MAP3K4: variants seen among roughly 807,000 people sequenced by gnomAD.
The protein encoded by MAP3K4 is mitogen-activated protein kinase kinase kinase 4.
In MAP3K4, 67 loss-of-function variants were observed where a neutral mutation model predicts 185.6. The ratio of observed to expected loss-of-function variants is 0.36; its 90% CI spans 0.30 to 0.44. The LOEUF (loss-of-function observed/expected upper bound fraction) is 0.44, where lower values mean the gene tolerates loss of function less well. Among genes scored for constraint, MAP3K4 ranks in the 20% least tolerant of loss-of-function variants. MAP3K4 has a pLI of 1.00. For missense variants in MAP3K4, 1,551 were observed against 1,995.1 expected, an observed-to-expected ratio of 0.78 and a Z score of 4.24; for synonymous variants, 702 against 710.4, an observed-to-expected ratio of 0.99 and a Z score of 0.19.
rs1785515996 is a variant in MAP3K4 at position 161,082,745 on chromosome 6, G to A, written c.2255+1707G>A. Among the ~76,000 whole-genome samples the A allele has an allele frequency of 6.6e-6, 1 of 152,024 alleles. No homozygotes were observed. The highest frequency in any genetic ancestry group is 2.1e-4 in the South Asian group (1 of 4,810). On this transcript the variant is annotated intron_variant, in intron 6 of 26. Transcript: ENST00000392142. The surrounding 1 kb of genome is among the most constrained non-coding windows in gnomAD (Gnocchi z 4.2). The stretch of plus-strand genomic sequence containing the variant: ...CCAGAATCTGACCTCTGCCTCTCAA[G>A]CACTCCACACTTCCACTCTTCCCAG...
Position 161,103,531 on chromosome 6 carries a change from A to G in MAP3K4, c.3856+752A>G, listed in dbSNP as rs1777921985. On this transcript the variant is annotated intron_variant, in intron 19 of 26. Coordinates refer to ENST00000392142, the MANE Select transcript of MAP3K4 (RefSeq NM_005922.4). This position sits in a 1 kb window ranked among gnomAD's most constrained non-coding sequence, Gnocchi z 4.6. Reference sequence around the variant, plus strand: ...GGAATAGAAGGAAGTGTGCACCCAGAGGCCTCGTGACTACAGGGGAGAGCC... The same window carrying G: ...GGAATAGAAGGAAGTGTGCACCCAGGGGCCTCGTGACTACAGGGGAGAGCC... 6.6e-6 allele frequency among the ~76,000 whole-genome samples: 1 copy of G among 152,220 alleles called. No homozygotes were observed. Among genetic ancestry groups the G allele is most frequent in the Admixed American group, 6.5e-5 (1 of 15,288 alleles).
At chr6:161,044,487 A>G (rs992177217) in intron 2 of MAP3K4, among the ~76,000 whole-genome samples, 3 of 152,174 alleles carry the variant, frequency 2.0e-5, no homozygotes, top group Non-Finnish European at 2.9e-5. Flanking sequence ...AAATGTAAAA[A>G]TGCTCAGGGA....
rs1777779959 is a variant in MAP3K4, at chr6:161,100,236, A to G, written c.3675-1656A>G. On this transcript the variant is annotated intron_variant, in intron 17 of 26. Coordinates refer to ENST00000392142, the MANE Select transcript of MAP3K4 (RefSeq NM_005922.4). The surrounding 1 kb of genome is among the most constrained non-coding windows in gnomAD (Gnocchi z 5.8). Reference sequence around the variant, plus strand: ...CCACTGCTCCCGAGGCAGACTTCACATACCCAAGGGCTTGTGTCTCAACAC... The same window carrying G: ...CCACTGCTCCCGAGGCAGACTTCACGTACCCAAGGGCTTGTGTCTCAACAC... 6.6e-6 allele frequency among the ~76,000 whole-genome samples: 1 copy of G among 152,202 alleles called. No individual in the cohort carries two copies. Among genetic ancestry groups the G allele is most frequent in the Admixed American group, 6.5e-5 (1 of 15,278 alleles).
Position 160,993,380 on chromosome 6 carries a change from G to C in MAP3K4, c.152+1297G>C, listed in dbSNP as rs1583074456. The stretch of plus-strand genomic sequence containing the variant: ...GATACCTTTTTCTTTAAAATTAATA[G>C]TGAACACTTAACGGTTAAAATAGGC... On this transcript the variant is annotated intron_variant, in intron 1 of 26. Transcript: ENST00000392142. 2.6e-5 allele frequency among the ~76,000 whole-genome samples: 4 copies of C among 152,162 alleles called. No homozygotes were observed. In the East Asian group the frequency reaches 7.7e-4, roughly 29 times the overall value.
chr6:161,105,356 T>C (rs753516186), intron 19 of MAP3K4, among the ~76,000 whole-genome samples: 1 of 152,220 alleles, frequency 6.6e-6, no homozygotes, highest in Non-Finnish European at 1.5e-5. Flanking sequence ...CAGGTATTAT[T>C]TCATGAAATC....
Position 161,101,794 on chromosome 6 carries a change from G to A in MAP3K4, c.3675-98G>A, listed in dbSNP as rs750474630. 5.2e-6 allele frequency: 5 copies of A among 963,148 alleles called. No homozygotes were observed. The East Asian group carries it at 1.3e-4, about 25-fold the overall frequency. The allele number at this position is 963,148 out of a possible 1,614,324, so 59.7% of individuals were successfully genotyped here. On this transcript the variant is annotated intron_variant, in intron 17 of 26. Coordinates refer to ENST00000392142, the MANE Select transcript of MAP3K4 (RefSeq NM_005922.4). This position sits in a 1 kb window ranked among gnomAD's most constrained non-coding sequence, Gnocchi z 5.1. The stretch of plus-strand genomic sequence containing the variant: ...AGAGTTGTTCCTGGCAGGCAGAGTT[G>A]CCCCCAGTTGAGAATTATTGCTCTA...
Position 161,117,051 on chromosome 6 carries a change from G to A in MAP3K4, c.*181G>A, listed in dbSNP as rs1778616282. ...TGTCTGATGTGGCAAAAGGCCCTCT[G>A]GAGGGCTGGTGGCCACGAGGTTAAA... On this transcript the variant is annotated 3_prime_UTR_variant, in exon 27 of 27. Transcript: ENST00000392142. 4.8e-6 allele frequency: 3 copies of A among 624,044 alleles called. No individual in the cohort carries two copies. The highest frequency in any genetic ancestry group is 5.9e-5 in the Admixed American group (2 of 33,946). 38.7% of individuals were successfully genotyped at this position (624,044 alleles called of 1,614,324 possible).
Position 161,043,578 on chromosome 6 carries a change from C to T in MAP3K4, c.344-5038C>T, listed in dbSNP as rs1783588217. On this transcript the variant is annotated intron_variant, in intron 2 of 26. Coordinates refer to ENST00000392142, the MANE Select transcript of MAP3K4 (RefSeq NM_005922.4). The surrounding 1 kb of genome is among the most constrained non-coding windows in gnomAD (Gnocchi z 4.3). ...ATCTGTGTTCTGTGATAATCTTCAT[C>T]ATCATGTTGTTACGAAAATTATGAC... is the stretch of plus-strand genomic sequence containing the variant. Among the ~76,000 whole-genome samples the T allele has an allele frequency of 6.6e-6, 1 of 152,194 alleles. No individual in the cohort carries two copies. Among genetic ancestry groups the T allele is most frequent in the African/African-American group, 2.4e-5 (1 of 41,450 alleles).
intron 1 of MAP3K4, among the ~76,000 whole-genome samples, chr6:161,012,290 A>G (rs1781886006): frequency 1.3e-5 from 2 of 152,104 alleles, no homozygotes; most frequent in African/African-American, 2.4e-5. Context: ...GTCGGTTCCT[A>G]TGCGTCAGTT....
In MAP3K4 at chr6:161,116,305, G is replaced by A. The variant is rs1778589923; in HGVS notation, c.4807-545G>A. On this transcript the variant is annotated intron_variant, in intron 26 of 26. Transcript: ENST00000392142. This position sits in a 1 kb window ranked among gnomAD's most constrained non-coding sequence, Gnocchi z 6.2. ...TTTCACATGGGCATTTGGATACCTG[G>A]GGCTGGCACTCAAGAGGGATTTTGG... 6.6e-6 allele frequency among the ~76,000 whole-genome samples: 1 copy of A among 152,050 alleles called. No individual in the cohort carries two copies. Among genetic ancestry groups the A allele is most frequent in the Non-Finnish European group, 1.5e-5 (1 of 68,012 alleles).
At position 161,106,944 on chromosome 6, in the gene MAP3K4, T is replaced by G. The variant is rs543071435; in HGVS notation, c.4048+239T>G. On this transcript the variant is annotated intron_variant, in intron 20 of 26. Coordinates refer to ENST00000392142, the MANE Select transcript of MAP3K4 (RefSeq NM_005922.4). This position sits in a 1 kb window ranked among gnomAD's most constrained non-coding sequence, Gnocchi z 4.9. Reference sequence around the variant, plus strand: ...GAGAAAGAGATTTCTAAATGATTCATTGCATTGGATTCTTTTGCTTAATAA... The same window carrying G: ...GAGAAAGAGATTTCTAAATGATTCAGTGCATTGGATTCTTTTGCTTAATAA... Among the ~76,000 whole-genome samples, 7 of 152,242 alleles carry G rather than the reference T, an allele frequency of 4.6e-5. No homozygotes were observed. In the South Asian group the frequency reaches 1.5e-3, roughly 32 times the overall value.
At chr6:161,024,141 G>GT (rs935277353) in intron 1 of MAP3K4, among the ~76,000 whole-genome samples, 23 of 151,944 alleles carry the variant, frequency 1.5e-4, no homozygotes, top group Admixed American at 5.2e-4. Context: ...TAATTCTTTT[G>GT]TTTTTTTGCA....
At chr6:161,083,446 T>C (rs1004593190) in intron 6 of MAP3K4, among the ~76,000 whole-genome samples, 4 of 152,216 alleles carry the variant, frequency 2.6e-5, no homozygotes, top group African/African-American at 9.6e-5. Flanking sequence ...AAAAGCATTG[T>C]TTCCAATCAG....
intron 3 of MAP3K4, among the ~76,000 whole-genome samples, chr6:161,065,820 C>T (rs1391032350): frequency 6.6e-6 from 1 of 151,520 alleles, no homozygotes; most frequent in Non-Finnish European, 1.5e-5. Flanking sequence ...AGCCTGTAGT[C>T]CCAGCTACTC....
chr6:161,113,818 G>C (rs1778468669), intron 25 of MAP3K4, among the ~76,000 whole-genome samples: 2 of 52,282 alleles, frequency 3.8e-5, no homozygotes, highest in Non-Finnish European at 6.7e-5. Context: ...TTTTTTTTGA[G>C]ATGGAGTCTC....
rs1007308259 is a variant in MAP3K4, at chr6:161,022,106, C to T, written c.153-12153C>T. 6.6e-6 allele frequency: 1 copy of T among 152,148 alleles called. No individual in the cohort carries two copies. The highest frequency in any genetic ancestry group is 1.5e-5 in the Non-Finnish European group (1 of 68,040). The allele number at this position is 152,148 out of a possible 1,614,324, so 9.4% of individuals were successfully genotyped here. On this transcript the variant is annotated intron_variant, in intron 1 of 26. Transcript: ENST00000392142. The surrounding 1 kb of genome is among the most constrained non-coding windows in gnomAD (Gnocchi z 4.2). ...AGGCTGTTTTCTATTTCAACACACG[C>T]ACACCGGCACACACCCAGGCTCATG...
chr6:161,106,463 C>A lies in MAP3K4; in HGVS notation c.3857-51C>A. The A allele has an allele frequency of 2.2e-6, 3 of 1,382,908 alleles. No individual in the cohort carries two copies. The highest frequency in any genetic ancestry group is 3.0e-6 in the Non-Finnish European group (3 of 1,009,930). 85.7% of individuals were successfully genotyped at this position (1,382,908 alleles called of 1,614,324 possible). A position where few individuals can be genotyped will look rare whatever the true frequency, so the allele number is the denominator to read the frequency against. ...TTTTTATTGGTTTGTCTTTTGGAAA[C>A]TGACTTGATAACAGTGATTGGGACT... is the stretch of plus-strand genomic sequence containing the variant. On this transcript the variant is annotated intron_variant, in intron 19 of 26. Coordinates refer to ENST00000392142, the MANE Select transcript of MAP3K4 (RefSeq NM_005922.4). The surrounding 1 kb of genome is among the most constrained non-coding windows in gnomAD (Gnocchi z 4.9).
intron 4 of MAP3K4, among the ~76,000 whole-genome samples, chr6:161,072,840 C>A (rs564426253): frequency 6.6e-6 from 1 of 152,214 alleles, no homozygotes; most frequent in East Asian, 1.9e-4. Flanking sequence ...CTTCTGCCCA[C>A]GTTTGGCAGG....
chr6:161,106,509 T>C lies in MAP3K4; in HGVS notation c.3857-5T>C. The C allele has an allele frequency of 3.1e-6, 5 of 1,601,492 alleles. No individual in the cohort carries two copies. The highest frequency in any genetic ancestry group is 4.3e-6 in the Non-Finnish European group (5 of 1,174,674). ...GGACTAATGAGGTTTTGGTTCTCTC[T>C]GCAGATACTGCTTCTAAACTAGGAC... is the stretch of plus-strand genomic sequence containing the variant. On this transcript the variant is annotated splice_region_variant and splice_polypyrimidine_tract_variant and intron_variant, in intron 19 of 26. Transcript: ENST00000392142. The surrounding 1 kb of genome is among the most constrained non-coding windows in gnomAD (Gnocchi z 4.9).
Sources: allele counts gnomAD v4.1 joint callset (sites outside exome capture counted in the v4.1 genomes callset), GRCh38; gene constraint gnomAD v4.1.1; non-coding constraint Gnocchi (gnomAD v3.1); transcripts MANE v1.5; gene names NCBI Gene and HGNC (gene_info 2026-07-23, HGNC 2026-07-21).